The following WWOX variants were observed in gnomAD, a reference collection of about 807,000 sequenced individuals.
The protein encoded by WWOX is WW domain containing oxidoreductase.
Under a neutral mutation model 46.2 loss-of-function variants are expected in WWOX, and 69 were observed. That is an observed-to-expected ratio of 1.49 (90% CI 1.23 to 1.82). WWOX has a LOEUF of 1.82. WWOX is among the 40% of genes most tolerant of loss of function. The pLI, the probability that WWOX is intolerant of heterozygous loss-of-function variation, is 0.00. For synonymous variants in WWOX, 359 were observed against 202.6 expected (o/e 1.77, Z -6.56); for missense variants, 919 against 542.6 (o/e 1.69, Z -6.89).
rs1367660671 is a variant in WWOX at position 78,343,432 on chromosome 16, C to T, written c.517-43428C>T. Among the ~76,000 whole-genome samples, 6 of 121,068 alleles carry T rather than the reference C, an allele frequency of 5.0e-5. 2 individuals are homozygous for T. Among genetic ancestry groups the T allele is most frequent in the Admixed American group, 1.6e-4 (2 of 12,454 alleles). 79.4% of individuals were successfully genotyped at this position (121,068 alleles called of 152,430 possible). A position where few individuals can be genotyped will look rare whatever the true frequency, so the allele number is the denominator to read the frequency against. ...TCACTGATGGCCAGCTGTCAACAGGCACCATTTTTGGTGGGACCTGAAGAT... is the reference window on the plus strand; with the variant it reads ...TCACTGATGGCCAGCTGTCAACAGGTACCATTTTTGGTGGGACCTGAAGAT... On this transcript the variant is annotated intron_variant, in intron 5 of 8. Coordinates refer to ENST00000566780, the MANE Select transcript of WWOX (RefSeq NM_016373.4).
chr16:78,239,266 T>C (rs1221683685), intron 5 of WWOX, among the ~76,000 whole-genome samples: 1 of 152,140 alleles, frequency 6.6e-6, no homozygotes, highest in Non-Finnish European at 1.5e-5. Flanking sequence ...TGACCAGCTC[T>C]TGATGGACAG....
intron 8 of WWOX, among the ~76,000 whole-genome samples, chr16:79,114,938 A>C (rs1316475353): frequency 1.3e-5 from 2 of 152,204 alleles, no homozygotes; most frequent in Non-Finnish European, 2.9e-5. Context: ...TGCAGACTAA[A>C]TTATATACAT....
At chr16:78,287,218 G>A (rs1394942264) in intron 5 of WWOX, among the ~76,000 whole-genome samples, 2 of 152,198 alleles carry the variant, frequency 1.3e-5, no homozygotes, top group African/African-American at 4.8e-5. Flanking sequence ...TGCTTCCTAT[G>A]GCATAACTTT....
At chr16:78,155,775 G>A (rs1764900375) in intron 4 of WWOX, among the ~76,000 whole-genome samples, 1 of 152,130 alleles carries the variant, frequency 6.6e-6, no homozygotes, top group Non-Finnish European at 1.5e-5. Flanking sequence ...TGCAGAATAG[G>A]CTTAGCACTA....
At chr16:78,265,379 A>T (rs1205665939) in intron 5 of WWOX, among the ~76,000 whole-genome samples, 1 of 152,100 alleles carries the variant, frequency 6.6e-6, no homozygotes, top group Admixed American at 6.5e-5. Context: ...TTGCTTTCAT[A>T]TTTAGAAATA....
chr16:78,397,435 G>T (rs969375658), intron 6 of WWOX, among the ~76,000 whole-genome samples: 2 of 152,122 alleles, frequency 1.3e-5, no homozygotes, highest in African/African-American at 4.8e-5. Flanking sequence ...GGTTCAGCCT[G>T]GTGCAATGAT....
At chr16:78,632,431 C>T (rs1030629346) in intron 8 of WWOX, among the ~76,000 whole-genome samples, 2 of 151,852 alleles carry the variant, frequency 1.3e-5, no homozygotes, top group Non-Finnish European at 2.9e-5. Flanking sequence ...CTTAACGTCG[C>T]AGATGTTATT....
At chr16:78,752,929 C>T (rs1251735595) in intron 8 of WWOX, among the ~76,000 whole-genome samples, 3 of 152,200 alleles carry the variant, frequency 2.0e-5, no homozygotes, top group Non-Finnish European at 4.4e-5. Context: ...CACACTCCAG[C>T]TTAAATATCA....
chr16:79,154,019 A>C (rs574130041), intron 8 of WWOX, among the ~76,000 whole-genome samples: 15 of 152,336 alleles, frequency 9.8e-5, no homozygotes, highest in African/African-American at 3.6e-4. Flanking sequence ...AAAAAGGAGC[A>C]AGGCATACTG....
intron 8 of WWOX, among the ~76,000 whole-genome samples, chr16:79,165,837 G>A (rs1268694430): frequency 2.6e-5 from 4 of 152,088 alleles, no homozygotes; most frequent in South Asian, 2.1e-4. Flanking sequence ...CTCGGTCGCC[G>A]AACCGGGAAC....
intron 8 of WWOX, among the ~76,000 whole-genome samples, chr16:78,818,832 T>C (rs2051415677): frequency 6.6e-6 from 1 of 152,194 alleles, no homozygotes; most frequent in African/African-American, 2.4e-5. Flanking sequence ...CTTTTAAGCG[T>C]AAGTGAGAAT....
intron 8 of WWOX, among the ~76,000 whole-genome samples, chr16:79,135,439 T>C (rs990323655): frequency 6.6e-6 from 1 of 152,216 alleles, no homozygotes; most frequent in Non-Finnish European, 1.5e-5. Context: ...ACTTATGTAA[T>C]AAATCTGTTA....
chr16:78,877,307 C>CT lies in WWOX; in HGVS notation c.1057-334300dup, dbSNP rs1378770162. 2.7e-5 allele frequency among the ~76,000 whole-genome samples: 4 copies of CT among 150,934 alleles called. No homozygotes were observed. In the East Asian group the frequency reaches 6.0e-4, roughly 23 times the overall value. On this transcript the variant is annotated intron_variant, in intron 8 of 8. Coordinates refer to ENST00000566780, the MANE Select transcript of WWOX (RefSeq NM_016373.4). ...CCCCTCTGACCCGCCTGCCTCCCCC[C>CT]TGTGAGCTTTTTCCACCTACTGGCC...
intron 4 of WWOX, among the ~76,000 whole-genome samples, chr16:78,129,219 A>G (rs1452534774): frequency 6.6e-6 from 1 of 152,122 alleles, no homozygotes; most frequent in Non-Finnish European, 1.5e-5. Context: ...GATTTGGGAA[A>G]GCTAGTCTTG....
intron 5 of WWOX, among the ~76,000 whole-genome samples, chr16:78,314,698 T>G (rs1157045672): frequency 2.9e-5 from 2 of 67,942 alleles, no homozygotes; most frequent in Non-Finnish European, 4.8e-5. Flanking sequence ...GTTTTTTTTT[T>G]TTGTTTTTTT....
chr16:79,185,373 G>A (rs972395694), intron 8 of WWOX, among the ~76,000 whole-genome samples: 6 of 152,126 alleles, frequency 3.9e-5, no homozygotes, highest in South Asian at 2.1e-4. Flanking sequence ...CTTATTTACA[G>A]TTTGAGGGGA....
chr16:78,496,346 TG>T (rs1597166107), intron 8 of WWOX: 1 of 152,232 alleles, frequency 6.6e-6, no homozygotes, highest in African/African-American at 2.4e-5. Flanking sequence ...TATAGATGAG[TG>T]CCAAGTTGGC....
chr16:78,180,076 G>A (rs1194850036), intron 5 of WWOX, among the ~76,000 whole-genome samples: 1 of 152,190 alleles, frequency 6.6e-6, no homozygotes, highest in African/African-American at 2.4e-5. Context: ...TCATGTTGAT[G>A]TTACTGAAGT....
In WWOX at chr16:78,874,262, A is replaced by G. The variant is rs1057401239; in HGVS notation, c.1057-337346A>G. Among the ~76,000 whole-genome samples the G allele has an allele frequency of 5.3e-5, 8 of 151,928 alleles. No individual in the cohort carries two copies. The South Asian group carries it at 1.7e-3, about 32-fold the overall frequency. ...CAGAGCGAGACTCTGTCTCAAAAAA[A>G]AAAAAAAAAGCTTCCATTTGAGCCG... On this transcript the variant is annotated intron_variant, in intron 8 of 8. Transcript: ENST00000566780.
Sources: allele counts gnomAD v4.1 joint callset (sites outside exome capture counted in the v4.1 genomes callset), GRCh38; gene constraint gnomAD v4.1.1; transcripts MANE v1.5; gene names NCBI Gene and HGNC (gene_info 2026-07-23, HGNC 2026-07-21).